Variants in GON4L observed in about 807,000 individuals in gnomAD.
GON4L encodes the protein GON-4-like protein.
GON4L carries 87 observed loss-of-function variants against 211.8 expected under a neutral mutation model. The observed-to-expected ratio is 0.41, with a 90% CI of 0.35 to 0.49. The LOEUF (loss-of-function observed/expected upper bound fraction) is 0.49. Among genes scored for constraint, GON4L ranks in the 20% least tolerant of loss-of-function variants. The probability of loss-of-function intolerance (pLI) is 0.15; values close to 1 mark genes in which losing one functional copy is unlikely to be tolerated. For synonymous variants in GON4L, 875 were observed against 962.6 expected, an observed-to-expected ratio of 0.91 and a Z score of 1.68; for missense variants, 2,155 against 2,659.5, an observed-to-expected ratio of 0.81 and a Z score of 4.17.
chr1:155,805,656 C>T (rs532567559), intron 10 of GON4L, among the ~76,000 whole-genome samples: 1 of 151,926 alleles, frequency 6.6e-6, no homozygotes, highest in Admixed American at 6.6e-5. Context: ...TAGCATAATG[C>T]ATTTAAATCC....
intron 24 of GON4L, among the ~76,000 whole-genome samples, 169 bp from the exon 25 acceptor site, chr1:155,758,203 C>A (rs1353716390): frequency 6.6e-6 from 1 of 151,396 alleles, no homozygotes; most frequent in African/African-American, 2.4e-5. Context: ...AACCTCCATC[C>A]ACCTTGGGCC....
rs1220831323 is a variant in GON4L at position 155,795,085 on chromosome 1, T to C, written c.1712A>G (p.Glu571Gly). ...CACTGCCCGGTCAGTCCGGAAATCC[T>C]CTGTGTCTGGTTCATCGAGGTCTTC... Reference protein sequence around the residue: ...FLEDLDEPDTEDFRTDRAVRI... With the variant: ...FLEDLDEPDTGDFRTDRAVRI... The change falls in exon 12 of 32, where the codon GAG (glutamate) becomes GGG (glycine). Residue 571 changes from glutamate (E) to glycine (G), a missense_variant. Glu to Gly is a moderately conservative substitution (Grantham distance 98). This residue lies in a region of GON4L where 551 missense variants were observed against 854.0 expected (regional missense o/e 0.65). Transcript: ENST00000368331. 1 of 1,608,324 alleles carries C rather than the reference T, an allele frequency of 6.2e-7. No homozygotes were observed. Among genetic ancestry groups the C allele is most frequent in the Non-Finnish European group, 8.5e-7 (1 of 1,174,670 alleles).
chr1:155,792,167 G>A (rs1210876004), intron 12 of GON4L, among the ~76,000 whole-genome samples: 2 of 152,282 alleles, frequency 1.3e-5, no homozygotes, highest in Admixed American at 6.5e-5. Context: ...CAGAGGAGGT[G>A]TAAACAAATT....
Position 155,753,394 on chromosome 1 carries a change from G to T in GON4L, c.5652C>A (p.Tyr1884Ter). Residue 1884 changes from tyrosine to a stop codon, truncating the protein, a stop_gained, in exon 29 of 32, where the codon TAC becomes TAA. Transcript: ENST00000368331. LOFTEE classifies it high-confidence loss of function. ...CSSKVCDSKS[Y>*]KSKEPHELVG... Reference sequence around the variant, plus strand: ...CCAACTCATGGGGCTCCTTGCTCTTGTAGGATTTGCTGTCACAGACCTGCA... The same window carrying T: ...CCAACTCATGGGGCTCCTTGCTCTTTTAGGATTTGCTGTCACAGACCTGCA... 6.2e-7 allele frequency: 1 copy of T among 1,613,498 alleles called. No individual in the cohort carries two copies. Among genetic ancestry groups the T allele is most frequent in the Non-Finnish European group, 8.5e-7 (1 of 1,179,652 alleles).
At chr1:155,789,853 T>C (rs934912051) in intron 12 of GON4L, among the ~76,000 whole-genome samples, 1 of 152,182 alleles carries the variant, frequency 6.6e-6, no homozygotes, top group Non-Finnish European at 1.5e-5. Flanking sequence ...TTGCATATAA[T>C]CTACACACAT....
chr1:155,853,168 C>A (rs535754558), intron 2 of GON4L, 108 bp downstream of exon 2: 32 of 1,041,828 alleles, frequency 3.1e-5, no homozygotes, highest in Admixed American at 1.7e-4. Flanking sequence ...CAATTCCGTA[C>A]CAAATCAATA....
chr1:155,859,406 T>G, upstream of GON4L: 1 of 193,598 alleles, frequency 5.2e-6, no homozygotes, highest in Non-Finnish European at 1.1e-5. Context: ...GAGAGCTTCC[T>G]GAAGGGGGCG....
At chr1:155,822,193 A>T in intron 4 of GON4L, 93 bp downstream of exon 4, 1 of 1,020,868 alleles carries the variant, frequency 9.8e-7, no homozygotes, top group Non-Finnish European at 1.6e-6. Context: ...TCGGTAATTC[A>T]CGTATCAAGA....
At chr1:155,754,527 T>C in intron 27 of GON4L, 39 bp from the exon 28 acceptor site, 1 of 770,526 alleles carries the variant, frequency 1.3e-6, no homozygotes, top group Non-Finnish European at 1.8e-6. Flanking sequence ...CCAAGTTGTT[T>C]TTTTTTTTTT....
intron 14 of GON4L, among the ~76,000 whole-genome samples, chr1:155,781,387 A>G (rs1050546233): frequency 2.0e-5 from 3 of 151,798 alleles, no homozygotes; most frequent in Non-Finnish European, 4.4e-5. Context: ...CTCAGGTGAT[A>G]TGCCTGCTTC....
At chr1:155,767,682 T>A in intron 19 of GON4L, 141 bp from the exon 20 acceptor site, 1 of 1,571,904 alleles carries the variant, frequency 6.4e-7, no homozygotes, top group East Asian at 2.2e-5. Flanking sequence ...TACACAAACA[T>A]CCATGAACGC....
rs1211334728 is a variant in GON4L at position 155,824,234 on chromosome 1, C to T, written c.698-1758G>A. On this transcript the variant is annotated intron_variant, in intron 3 of 31. Transcript: ENST00000368331. ...GGTCAGGAGTTCAAGACCAGCCTGACCAACATGGTGAAACCCTGTCTCTAC... is the reference window on the plus strand; with the variant it reads ...GGTCAGGAGTTCAAGACCAGCCTGATCAACATGGTGAAACCCTGTCTCTAC... Among the ~76,000 whole-genome samples, 15 of 150,540 alleles carry T rather than the reference C, an allele frequency of 1.0e-4. No homozygotes were observed. In the Admixed American group the frequency reaches 1.0e-3, roughly 10 times the overall value.
chr1:155,776,453 A>G lies in GON4L; in HGVS notation c.2120T>C (p.Leu707Pro). 1 of 1,613,482 alleles carries G rather than the reference A, an allele frequency of 6.2e-7. No individual in the cohort carries two copies. The highest frequency in any genetic ancestry group is 1.1e-5 in the South Asian group (1 of 91,072). Reference sequence around the variant, plus strand: ...GAGGTTGGGGTTGCAGGTGGCAAGAAGGTGGATTTGGGTCAAGAGCTGAAC... The same window carrying G: ...GAGGTTGGGGTTGCAGGTGGCAAGAGGGTGGATTTGGGTCAAGAGCTGAAC... ...QHVQLLTQIHLLATCNPNLNP... is the reference protein window; with the variant it reads ...QHVQLLTQIHPLATCNPNLNP... The change falls in exon 16 of 32, where the codon CTT becomes CCT. Residue 707 changes from leucine (L) to proline (P), a missense_variant. By Grantham distance (98) the Leu-to-Pro change is moderately conservative. Coordinates refer to ENST00000368331, the MANE Select transcript of GON4L (RefSeq NM_001282860.2).
downstream of GON4L, chr1:155,749,340 G>T (rs1660382800): frequency 2.5e-6 from 4 of 1,610,452 alleles, no homozygotes; most frequent in Non-Finnish European, 3.4e-6. Context: ...GCTCACCCCA[G>T]GGACACCTCC....
At position 155,826,939 on chromosome 1, in the gene GON4L, T is replaced by A; in HGVS notation, c.595A>T (p.Thr199Ser). The change falls in exon 3 of 32, where the codon ACC becomes TCC. Residue 199 changes from threonine (T) to serine (S), a missense_variant. Thr to Ser is a moderately conservative substitution (Grantham distance 58, BLOSUM62 1). Transcript: ENST00000368331. ...GGAGAGGCACAAACATCTGGCTGGGTTGATTTCCTGGGCTGGCTTACTGGT... is the reference window on the plus strand; with the variant it reads ...GGAGAGGCACAAACATCTGGCTGGGATGATTTCCTGGGCTGGCTTACTGGT... ...AKPVSQPRKS[T>S]QPDVCASPQE... The A allele has an allele frequency of 6.2e-7, 1 of 1,613,990 alleles. No homozygotes were observed. Among genetic ancestry groups the A allele is most frequent in the Non-Finnish European group, 8.5e-7 (1 of 1,179,852 alleles).
chr1:155,849,819 A>G (rs1437799680), intron 2 of GON4L, among the ~76,000 whole-genome samples: 1 of 149,938 alleles, frequency 6.7e-6, no homozygotes, highest in Admixed American at 6.6e-5. Flanking sequence ...ATTCTGTCCT[A>G]TGCTTTGAAT....
intron 11 of GON4L, among the ~76,000 whole-genome samples, chr1:155,802,478 G>A (rs1571797210): frequency 1.3e-5 from 2 of 152,162 alleles, no homozygotes; most frequent in East Asian, 1.9e-4. Flanking sequence ...CTACTCAGAT[G>A]CCTTCTCTCT....
chr1:155,799,152 T>A (rs1465226807), intron 11 of GON4L, among the ~76,000 whole-genome samples: 1 of 152,134 alleles, frequency 6.6e-6, no homozygotes, highest in Non-Finnish European at 1.5e-5. Context: ...AATACTGAAG[T>A]TGCTGGGCGT....
chr1:155,827,085 G>A, intron 2 of GON4L, 57 bp from the exon 3 acceptor site: 1 of 1,258,430 alleles, frequency 7.9e-7, no homozygotes, highest in Non-Finnish European at 1.2e-6. Context: ...ATACTCTGTT[G>A]TAGAATTTAG....
Sources: allele counts gnomAD v4.1 joint callset (sites outside exome capture counted in the v4.1 genomes callset), GRCh38; gene constraint gnomAD v4.1.1; regional missense constraint gnomAD v4.1.1; transcripts MANE v1.5; gene names NCBI Gene and HGNC (gene_info 2026-07-23, HGNC 2026-07-21).